Variants in GALNT9 observed in about 807,000 individuals in gnomAD.
GALNT9 encodes polypeptide N-acetylgalactosaminyltransferase 9.
GALNT9 carries 47 observed loss-of-function variants against 63.1 expected under a neutral mutation model. The observed-to-expected ratio is 0.75, with a 90% CI of 0.59 to 0.95. GALNT9 has a LOEUF of 0.95. Ranked by LOEUF, GALNT9 falls within the 40% of genes least tolerant of loss-of-function variation. The pLI is 0.00. For synonymous variants in GALNT9, 396 were observed against 365.7 expected (o/e 1.08, Z -0.94); for missense variants, 829 against 874.8 (o/e 0.95, Z 0.66).
chr12:132,318,662 G>A (rs1868639758), intron 1 of GALNT9, among the ~76,000 whole-genome samples: 1 of 152,260 alleles, frequency 6.6e-6, no homozygotes, highest in South Asian at 2.1e-4. Context: ...TGACCTCCCA[G>A]CTGGGCCTGC....
At position 132,319,497 on chromosome 12, in the gene GALNT9, G is replaced by A. The variant is rs1161254930; in HGVS notation, c.238+9469C>T. Among the ~76,000 whole-genome samples the A allele has an allele frequency of 2.0e-5, 3 of 152,092 alleles. No individual in the cohort carries two copies. The highest frequency in any genetic ancestry group is 7.2e-5 in the African/African-American group (3 of 41,416). ...GCCAAAGGACCCCACCCAGCTTCCC[G>A]GGCCTGCAGCTTGCAGACGGCAGAT... is the stretch of plus-strand genomic sequence containing the variant. On this transcript the variant is annotated intron_variant, in intron 1 of 10. Transcript: ENST00000328957. This position sits in a 1 kb window ranked among gnomAD's most constrained non-coding sequence, Gnocchi z 5.2.
At chr12:132,313,716 A>AC (rs1650699481) in intron 1 of GALNT9, among the ~76,000 whole-genome samples, 1 of 119,148 alleles carries the variant, frequency 8.4e-6, no homozygotes, top group Non-Finnish European at 1.7e-5. Flanking sequence ...CCATCCACCC[A>AC]CTCATCCATC....
intron 2 of GALNT9, among the ~76,000 whole-genome samples, chr12:132,266,606 C>T (rs993078592): frequency 6.6e-6 from 1 of 152,228 alleles, no homozygotes; most frequent in African/African-American, 2.4e-5. Flanking sequence ...GGGATCCTCC[C>T]TGAAGCCTCT....
chr12:132,280,046 G>C (rs1382474850), intron 2 of GALNT9: 1 of 150,432 alleles, frequency 6.6e-6, no homozygotes, highest in African/African-American at 2.5e-5. Flanking sequence ...TGTCCACCAG[G>C]TCTCCTGGAT....
chr12:132,260,221 T>G (rs1593089944), intron 4 of GALNT9, among the ~76,000 whole-genome samples: 1 of 152,200 alleles, frequency 6.6e-6, no homozygotes, highest in Admixed American at 6.5e-5. Flanking sequence ...GCTGCAGCCC[T>G]CAGGAGCTGA....
chr12:132,197,306 T>C, intron 10 of GALNT9, 53 bp from the exon 11 acceptor site: 1 of 1,587,650 alleles, frequency 6.3e-7, no homozygotes, highest in Non-Finnish European at 8.5e-7. Context: ...TTGTTCCCCC[T>C]CCCCCCACCT....
At chr12:132,204,242 T>C (rs902053312) in intron 6 of GALNT9, among the ~76,000 whole-genome samples, 3 of 152,146 alleles carry the variant, frequency 2.0e-5, no homozygotes, top group African/African-American at 7.2e-5. Context: ...TGTCACTGCG[T>C]ATCCTTTTAT....
intron 1 of GALNT9, among the ~76,000 whole-genome samples, chr12:132,309,989 A>C (rs1043521634): frequency 3.3e-5 from 5 of 152,242 alleles, no homozygotes; most frequent in African/African-American, 4.8e-5. Context: ...CCCGACCAAC[A>C]CCCAGTCAGC....
chr12:132,216,480 A>C (rs1241869513), intron 6 of GALNT9, among the ~76,000 whole-genome samples: 1 of 152,222 alleles, frequency 6.6e-6, no homozygotes, highest in Non-Finnish European at 1.5e-5. Context: ...AGGAGCCAGG[A>C]CCTGGGTGCT....
At chr12:132,308,506 C>T (rs2135581756) in intron 1 of GALNT9, among the ~76,000 whole-genome samples, 1 of 152,304 alleles carries the variant, frequency 6.6e-6, no homozygotes, top group African/African-American at 2.4e-5. Context: ...TACCGGGTTC[C>T]CAGACACTGC....
chr12:132,203,410 G>A (rs929001200), intron 7 of GALNT9, 95 bp downstream of exon 7: 3 of 1,137,042 alleles, frequency 2.6e-6, no homozygotes, highest in East Asian at 2.5e-5. Flanking sequence ...ACACCTGCAG[G>A]GGGCCCTAGG....
intron 7 of GALNT9, among the ~76,000 whole-genome samples, chr12:132,202,467 A>G (rs1876228930): frequency 6.6e-6 from 1 of 152,128 alleles, no homozygotes; most frequent in Admixed American, 6.5e-5. Context: ...AGGCCGTGTC[A>G]CCCACACGCT....
chr12:132,204,213 C>T (rs1244569831), intron 6 of GALNT9, among the ~76,000 whole-genome samples: 4 of 152,248 alleles, frequency 2.6e-5, no homozygotes, highest in Admixed American at 6.5e-5. Flanking sequence ...TGAACCCCCA[C>T]GCGCAGCAGA....
chr12:132,294,233 G>C (rs1349766401), intron 1 of GALNT9, among the ~76,000 whole-genome samples: 1 of 152,142 alleles, frequency 6.6e-6, no homozygotes, highest in African/African-American at 2.4e-5. Context: ...TGGGTCCAAT[G>C]AACGAATGAC....
intron 2 of GALNT9, chr12:132,277,883 C>G (rs2135555423): frequency 6.6e-6 from 1 of 152,468 alleles, no homozygotes; most frequent in South Asian, 2.1e-4. Context: ...GCACCCTGAT[C>G]TTGCACTTCC....
intron 2 of GALNT9, among the ~76,000 whole-genome samples, chr12:132,285,162 C>T (rs1807090220): frequency 6.6e-6 from 1 of 152,230 alleles, no homozygotes; most frequent in African/African-American, 2.4e-5. Context: ...TCCTGCCTGC[C>T]CTCCCTCAGG....
intron 6 of GALNT9, among the ~76,000 whole-genome samples, chr12:132,207,713 C>T (rs1252753181): frequency 2.6e-5 from 4 of 152,186 alleles, no homozygotes; most frequent in African/African-American, 9.6e-5. Context: ...CTTCAGTCTC[C>T]GGGCTTGGGC....
Position 132,196,808 on chromosome 12 carries a change from C to A in GALNT9, c.*299G>T. On this transcript the variant is annotated 3_prime_UTR_variant, in exon 11 of 11. Coordinates refer to ENST00000328957, the MANE Select transcript of GALNT9 (RefSeq NM_001122636.2). The stretch of plus-strand genomic sequence containing the variant: ...GGGGCTGTGGTACATGCAGAGGCGG[C>A]GGCTGTCCCAGCAGCCTGGCCAGGA... 8.5e-7 allele frequency: 1 copy of A among 1,172,904 alleles called. No individual in the cohort carries two copies. Among genetic ancestry groups the A allele is most frequent in the Non-Finnish European group, 1.1e-6 (1 of 944,270 alleles). The allele number at this position is 1,172,904 out of a possible 1,614,324, so 72.7% of individuals were successfully genotyped here.
At chr12:132,227,025 TAC>T (rs1239552205) in intron 6 of GALNT9, among the ~76,000 whole-genome samples, 1 of 146,804 alleles carries the variant, frequency 6.8e-6, no homozygotes, top group Non-Finnish European at 1.5e-5. Flanking sequence ...ATACACCCCA[TAC>T]ACACACACAC....
Sources: allele counts gnomAD v4.1 joint callset (sites outside exome capture counted in the v4.1 genomes callset), GRCh38; gene constraint gnomAD v4.1.1; non-coding constraint Gnocchi (gnomAD v3.1); transcripts MANE v1.5; gene names NCBI Gene and HGNC (gene_info 2026-07-23, HGNC 2026-07-21).